BEND2: variants seen among roughly 807,000 people sequenced by gnomAD.
The protein encoded by BEND2 is BEN domain containing 2, also known as BEN domain-containing protein 2.
BEND2 carries 19 observed loss-of-function variants against 43.8 expected under a neutral mutation model. The ratio of observed to expected loss-of-function variants is 0.43; its 90% CI spans 0.30 to 0.64. The LOEUF (loss-of-function observed/expected upper bound fraction) is 0.64. BEND2 is among the 30% of genes least tolerant of loss of function. The pLI is 0.11. For missense variants in BEND2, 544 were observed against 574.0 expected (o/e 0.95, Z 0.53); for synonymous variants, 226 against 210.1 (o/e 1.08, Z -0.66).
At chrX:18,219,299 C>G (rs748881520) in intron 1 of BEND2, among the ~76,000 whole-genome samples, 23 of 112,627 alleles carry the variant, frequency 2.0e-4, no homozygotes, top group Admixed American at 1.3e-3. Context: ...CCGGGAGGGA[C>G]GCGATCCGCC....
intron 4 of BEND2, among the ~76,000 whole-genome samples, chrX:18,209,381 G>A (rs570780217): frequency 9.0e-6 from 1 of 111,208 alleles, no homozygotes; most frequent in Non-Finnish European, 1.9e-5. Context: ...CAGGATATTA[G>A]CAGAGTCTCA....
intron 8 of BEND2, among the ~76,000 whole-genome samples, chrX:18,188,681 T>C (rs952183674): frequency 8.9e-6 from 1 of 111,973 alleles, no homozygotes; most frequent in African/African-American, 3.2e-5. Flanking sequence ...GCTTCACTGC[T>C]GAATTCTACC....
chrX:18,203,551 T>C lies in BEND2; in HGVS notation c.857A>G (p.Asn286Ser). The change falls in exon 5 of 14, where the codon AAT becomes AGT. Residue 286 changes from asparagine to serine, a missense_variant. Asn to Ser is a conservative substitution (Grantham distance 46). Around this residue, in one of 2 missense-constraint regions of BEND2, gnomAD observed 501 missense variants for 501.6 expected, o/e 1.00. Transcript: ENST00000380033. ...VNYSALPENE[N>S]VGPGRALSSF... ...TGACAAGGCTCTACCTGGGCCCACA[T>C]TTTCATTTTCTGGTAGAGCAGAGTA... The C allele has an allele frequency of 8.3e-7, 1 of 1,211,231 alleles. No homozygotes were observed.
At chrX:18,189,464 T>A (rs1247580406) in intron 8 of BEND2, among the ~76,000 whole-genome samples, 1 of 111,265 alleles carries the variant, frequency 9.0e-6, no homozygotes. Flanking sequence ...TGAGCCATGA[T>A]CATGCCACTG....
At chrX:18,201,418 CAAAAAAAAA>C (rs367821568) in intron 6 of BEND2, among the ~76,000 whole-genome samples, 861 of 51,597 alleles carry the variant, frequency 0.017, no homozygotes, top group Middle Eastern at 0.031. Context: ...AAAAAAAAAA[CAAAAAAAAA>C]AAAACTGGTG....
rs905359336 is a variant in BEND2, at chrX:18,200,564, T to A, written c.1033+1251A>T. Among the ~76,000 whole-genome samples the A allele has an allele frequency of 7.4e-5, 8 of 108,598 alleles. No individual in the cohort carries two copies. In the East Asian group the frequency reaches 2.3e-3, roughly 31 times the overall value. The allele number at this position is 108,598 out of a possible 115,157, so 94.3% of individuals were successfully genotyped here. ...GGAACTCTTGATACATGCAACAAGCTGGGTGAGTTTTCAGATAACTATACT... is the reference window on the plus strand; with the variant it reads ...GGAACTCTTGATACATGCAACAAGCAGGGTGAGTTTTCAGATAACTATACT... On this transcript the variant is annotated intron_variant, in intron 6 of 13. Transcript: ENST00000380033.
At chrX:18,217,943 T>A (rs868686769) in intron 1 of BEND2, among the ~76,000 whole-genome samples, 1 of 94,876 alleles carries the variant, frequency 1.1e-5, no homozygotes, top group Admixed American at 1.1e-4. Context: ...ATAATAATAA[T>A]AATAATAGAA....
At chrX:18,177,950 T>C (rs1422007654) in intron 9 of BEND2, among the ~76,000 whole-genome samples, 181 bp from the exon 10 acceptor site, 2 of 112,073 alleles carry the variant, frequency 1.8e-5, no homozygotes, top group Middle Eastern at 4.2e-3. Flanking sequence ...GCTTATCTCT[T>C]CCTCTTCCTT....
At chrX:18,179,942 C>T (rs183948712) in intron 9 of BEND2, among the ~76,000 whole-genome samples, 67 of 112,033 alleles carry the variant, frequency 6.0e-4, no homozygotes, top group Non-Finnish European at 1.1e-3. Flanking sequence ...TTTGGGAGGC[C>T]GAGGCAGATG....
rs766935176 is a variant in BEND2, at chrX:18,180,628, C to G, written c.1311G>C (p.Leu437Phe). The G allele has an allele frequency of 3.3e-6, 4 of 1,207,091 alleles. No individual in the cohort carries two copies. The highest frequency in any genetic ancestry group is 4.5e-6 in the Non-Finnish European group (4 of 891,603). The change falls in exon 9 of 14, where the codon TTG becomes TTC. Residue 437 changes from leucine (L) to phenylalanine (F), a missense_variant. By Grantham distance (22) the Leu-to-Phe change is conservative. Transcript: ENST00000380033. ...TTTCCGTGTTGGTGTCTACTTTTAC[C>G]AAAATATTCAGAGGTAACAGTGCTG... is the stretch of plus-strand genomic sequence containing the variant. ...PDFALLPLNI[L>F]VKVDTNTENS... is the part of the protein sequence containing the mutation.
At position 18,191,054 on chromosome X, in the gene BEND2, T is replaced by G; in HGVS notation, c.1235A>C (p.Asn412Thr). ...GTMSYSTEMKNNCDQDDASAS... is the reference protein window; with the variant it reads ...GTMSYSTEMKTNCDQDDASAS... ...TGAAGCATCATCTTGGTCACAGTTATTTTTCATTTCAGTTGAGTAACTCAT... is the reference window on the plus strand; with the variant it reads ...TGAAGCATCATCTTGGTCACAGTTAGTTTTCATTTCAGTTGAGTAACTCAT... The change falls in exon 8 of 14, where the codon AAT (asparagine) becomes ACT (threonine). Residue 412 changes from asparagine (N) to threonine (T), a missense_variant. By Grantham distance (65) the Asn-to-Thr change is moderately conservative (BLOSUM62 0). Around this residue, in one of 2 missense-constraint regions of BEND2, gnomAD observed 501 missense variants for 501.6 expected, o/e 1.00. Transcript: ENST00000380033. 2.5e-6 allele frequency: 3 copies of G among 1,210,582 alleles called. No individual in the cohort carries two copies. Among genetic ancestry groups the G allele is most frequent in the Non-Finnish European group, 3.4e-6 (3 of 895,088 alleles).
intron 1 of BEND2, among the ~76,000 whole-genome samples, chrX:18,220,397 G>A (rs1449380978): frequency 4.5e-5 from 5 of 112,052 alleles, no homozygotes; most frequent in African/African-American, 6.5e-5. Context: ...ACGCACTCTC[G>A]GCACAAGCCC....
intron 8 of BEND2, among the ~76,000 whole-genome samples, chrX:18,189,694 A>C (rs1477182227): frequency 8.9e-6 from 1 of 112,127 alleles, no homozygotes; most frequent in Non-Finnish European, 1.9e-5. Context: ...ACAAGAATAG[A>C]TATTTCAAAG....
intron 1 of BEND2, among the ~76,000 whole-genome samples, chrX:18,218,379 C>G (rs933056155): frequency 1.8e-5 from 2 of 111,529 alleles, no homozygotes; most frequent in Non-Finnish European, 3.8e-5. Flanking sequence ...AAGAAAATAA[C>G]CAAGGCAACT....
chrX:18,193,390 C>G (rs1367846872), intron 7 of BEND2, among the ~76,000 whole-genome samples: 2 of 111,146 alleles, frequency 1.8e-5, no homozygotes. Flanking sequence ...TCTTGGTAAT[C>G]ATGGAAATGT....
intron 12 of BEND2, among the ~76,000 whole-genome samples, chrX:18,173,490 A>G (rs978722012): frequency 2.7e-5 from 3 of 112,045 alleles, no homozygotes; most frequent in Admixed American, 9.5e-5. Context: ...GATATCACTC[A>G]TCGGTATGGG....
chrX:18,178,461 G>A (rs911625473), intron 9 of BEND2, among the ~76,000 whole-genome samples: 48 of 111,565 alleles, frequency 4.3e-4, no homozygotes, highest in African/African-American at 1.5e-3. Context: ...TGAGTTAACT[G>A]CTCTAAACCA....
chrX:18,164,684 T>C lies in BEND2; in HGVS notation c.*325A>G. ...TGACTGAGTGGCTCCTTACTTTCTA[T>C]TGAATTTCTTTCTCTACCTTATCAA... On this transcript the variant is annotated 3_prime_UTR_variant, in exon 14 of 14. Coordinates refer to ENST00000380033, the MANE Select transcript of BEND2 (RefSeq NM_153346.5). 5.9e-6 allele frequency: 1 copy of C among 168,219 alleles called. No homozygotes were observed. Among genetic ancestry groups the C allele is most frequent in the East Asian group, 1.2e-4 (1 of 8,324 alleles). 13.9% of individuals were successfully genotyped at this position (168,219 alleles called of 1,213,427 possible).
chrX:18,182,947 T>C (rs1183100353), intron 8 of BEND2, among the ~76,000 whole-genome samples: 1 of 102,137 alleles, frequency 9.8e-6, no homozygotes, highest in Non-Finnish European at 2.0e-5. Context: ...GAGGCTGAGG[T>C]GCGAGAATCA....
Sources: allele counts gnomAD v4.1 joint callset (sites outside exome capture counted in the v4.1 genomes callset), GRCh38; gene constraint gnomAD v4.1.1; regional missense constraint gnomAD v4.1.1; transcripts MANE v1.5; gene names NCBI Gene and HGNC (gene_info 2026-07-23, HGNC 2026-07-21).